Variants in CHPF observed in about 807,000 individuals in gnomAD.
CHPF encodes the protein chondroitin polymerizing factor, non-catalytic subunit.
Under a neutral mutation model 55.1 loss-of-function variants are expected in CHPF, and 34 were observed. The observed-to-expected ratio is 0.62, with a 90% CI of 0.47 to 0.82. The LOEUF (loss-of-function observed/expected upper bound fraction) is 0.82. Among genes scored for constraint, CHPF ranks in the 40% least tolerant of loss-of-function variants. CHPF has a pLI of 0.00. For synonymous variants in CHPF, 489 were observed against 496.6 expected (o/e 0.98, Z 0.20); for missense variants, 961 against 1,106.1 (o/e 0.87, Z 1.86).
chr2:219,540,427 T>C lies in CHPF; in HGVS notation c.1284A>G (p.Thr428=). The C allele has an allele frequency of 1.2e-6, 2 of 1,613,550 alleles. No homozygotes were observed. The highest frequency in any genetic ancestry group is 1.7e-6 in the Non-Finnish European group (2 of 1,179,982). Residue 428 remains threonine (T), a synonymous_variant, in exon 4 of 4, where the codon ACA becomes ACG. Coordinates refer to ENST00000243776, the MANE Select transcript of CHPF (RefSeq NM_024536.6). ...DRADVADVLG[T]ALEELNRRYH... is the part of the protein sequence containing the mutation. ...AGCGGCGGTTCAGCTCCTCTAGAGC[T>C]GTCCCCAGAACATCGGCCACATCAG...
chr2:219,540,332 C>T lies in CHPF; in HGVS notation c.1379G>A (p.Gly460Asp). 1 of 1,613,980 alleles carries T rather than the reference C, an allele frequency of 6.2e-7. No individual in the cohort carries two copies. Among genetic ancestry groups the T allele is most frequent in the Non-Finnish European group, 8.5e-7 (1 of 1,179,986 alleles). ...NGYRRFDPAR[G>D]MEYTLDLQLE... ...CTGCAAGTCCAGCGTGTATTCCATA[C>T]CCCGGGCCGGATCAAAGCGTCGGTA... is the stretch of plus-strand genomic sequence containing the variant. The change falls in exon 4 of 4, where the codon GGT becomes GAT. Residue 460 changes from glycine to aspartate, a missense_variant. Transcript: ENST00000243776.
Position 219,540,268 on chromosome 2 carries a change from G to A in CHPF, c.1443C>T (p.Leu481=), listed in dbSNP as rs1176855543. Residue 481 remains leucine (L), a synonymous_variant, in exon 4 of 4, where the codon CTC becomes CTT. Coordinates refer to ENST00000243776, the MANE Select transcript of CHPF (RefSeq NM_024536.6). ...GCCGGAGCAGCTGCACTCGGCGAGT[G>A]AGGGGCCGGCGGCCTCCCTGGGGGG... ...ALTPQGGRRP[L]TRRVQLLRPL... is the part of the protein sequence containing the mutation. 1 of 1,613,804 alleles carries A rather than the reference G, an allele frequency of 6.2e-7. No individual in the cohort carries two copies. Among genetic ancestry groups the A allele is most frequent in the Non-Finnish European group, 8.5e-7 (1 of 1,179,896 alleles).
chr2:219,542,026 G>T lies in CHPF; in HGVS notation c.478C>A (p.Pro160Thr). ...FLTGARGRRAPPGMAVVTLGE... is the reference protein window; with the variant it reads ...FLTGARGRRATPGMAVVTLGE... ...AGCGTCACCACTGCCATGCCAGGTG[G>T]GGCCCGGCGGCCCCGTGCGCCCGTC... The change falls in exon 2 of 4, where the codon CCA becomes ACA. Residue 160 changes from proline to threonine, a missense_variant. Coordinates refer to ENST00000243776, the MANE Select transcript of CHPF (RefSeq NM_024536.6). 1.9e-6 allele frequency: 3 copies of T among 1,594,836 alleles called. No homozygotes were observed. Among genetic ancestry groups the T allele is most frequent in the Non-Finnish European group, 2.6e-6 (3 of 1,173,404 alleles).
chr2:219,542,053 G>T lies in CHPF; in HGVS notation c.451C>A (p.Leu151Met). 1 of 1,582,574 alleles carries T rather than the reference G, an allele frequency of 6.3e-7. No individual in the cohort carries two copies. The highest frequency in any genetic ancestry group is 1.1e-5 in the South Asian group (1 of 88,256). The part of the protein sequence containing the change: ...LGHRLERVVF[L>M]TGARGRRAPP... ...GCCCGGCGGCCCCGTGCGCCCGTCA[G>T]GAACACCACACGCTCCAGCCGGTGC... Residue 151 changes from leucine (L) to methionine (M), a missense_variant, in exon 2 of 4, where the codon CTG (leucine) becomes ATG (methionine). Coordinates refer to ENST00000243776, the MANE Select transcript of CHPF (RefSeq NM_024536.6).
In CHPF at chr2:219,543,468, A is replaced by G; in HGVS notation, c.71T>C (p.Phe24Ser). 6.9e-7 allele frequency: 1 copy of G among 1,442,948 alleles called. No individual in the cohort carries two copies. Among genetic ancestry groups the G allele is most frequent in the Admixed American group, 2.7e-5 (1 of 36,592 alleles). 89.4% of individuals were successfully genotyped at this position (1,442,948 alleles called of 1,614,324 possible). A position where few individuals can be genotyped will look rare whatever the true frequency, so the allele number is the denominator to read the frequency against. ...GGTGACGCTGAGCAGGCTCAGGGTGAAGCCCAGGGAGATGCCCACGGCCAC... is the reference window on the plus strand; with the variant it reads ...GGTGACGCTGAGCAGGCTCAGGGTGGAGCCCAGGGAGATGCCCACGGCCAC... The part of the protein sequence containing the change: ...GPVAVGISLG[F>S]TLSLLSVTWV... The change falls in exon 1 of 4, where the codon TTC (phenylalanine) becomes TCC (serine). Residue 24 changes from phenylalanine (F) to serine (S), a missense_variant. Physicochemically the swap from Phe to Ser is radical, Grantham distance 155. Coordinates refer to ENST00000243776, the MANE Select transcript of CHPF (RefSeq NM_024536.6).
rs764366642 is a variant in CHPF at position 219,540,447 on chromosome 2, C to T, written c.1264G>A (p.Val422Met). 18 of 1,613,744 alleles carry T rather than the reference C, an allele frequency of 1.1e-5. No individual in the cohort carries two copies. In the South Asian group the frequency reaches 1.9e-4, roughly 17 times the overall value. Residue 422 changes from valine to methionine, a missense_variant, in exon 4 of 4, where the codon GTG becomes ATG. Around this residue, in one of 3 missense-constraint regions of CHPF, gnomAD observed 936 missense variants for 1,058.4 expected, o/e 0.88. Transcript: ENST00000243776. ...AGAGCTGTCCCCAGAACATCGGCCA[C>T]ATCAGCCCGGTCAGCCCCACGCAGT... ...CPLRGADRAD[V>M]ADVLGTALEE... is the part of the protein sequence containing the mutation.
Position 219,539,650 on chromosome 2 carries a change from G to A in CHPF, c.2061C>T (p.Ala687=), listed in dbSNP as rs374210342. The A allele has an allele frequency of 3.0e-5, 49 of 1,613,380 alleles. No individual in the cohort carries two copies. Among genetic ancestry groups the A allele is most frequent in the Non-Finnish European group, 4.1e-5 (48 of 1,179,970 alleles). The change falls in exon 4 of 4, where the codon GCC becomes GCT. Residue 687 remains alanine, a synonymous_variant. Coordinates refer to ENST00000243776, the MANE Select transcript of CHPF (RefSeq NM_024536.6). ...ACFYNSDYVA[A]RGRLAAASEQ... ...CTGAGGCTGCCGCCAGGCGCCCACGGGCTGCCACATAGTCGGAGTTGTAGA... is the reference window on the plus strand; with the variant it reads ...CTGAGGCTGCCGCCAGGCGCCCACGAGCTGCCACATAGTCGGAGTTGTAGA...
Position 219,539,727 on chromosome 2 carries a change from G to C in CHPF, c.1984C>G (p.Leu662Val), listed in dbSNP as rs765276331. The C allele has an allele frequency of 1.8e-5, 29 of 1,613,400 alleles. No individual in the cohort carries two copies. The highest frequency in any genetic ancestry group is 2.5e-5 in the Non-Finnish European group (29 of 1,179,988). ...APPQGPGPPE[L>V]GRDTGRFDRQ... ...TCAAAGCGGCCAGTGTCACGGCCCA[G>C]CTCTGGGGGCCCAGGCCCTTGTGGT... The change falls in exon 4 of 4, where the codon CTG becomes GTG. Residue 662 changes from leucine (L) to valine (V), a missense_variant. Physicochemically the swap from Leu to Val is conservative, Grantham distance 32 (BLOSUM62 1). This residue lies in a region of CHPF where 936 missense variants were observed against 1,058.4 expected (regional missense o/e 0.88). Transcript: ENST00000243776.
intron 2 of CHPF, 49 bp from the exon 3 acceptor site, chr2:219,541,174 G>T: frequency 2.0e-6 from 3 of 1,498,106 alleles, no homozygotes; most frequent in Non-Finnish European, 2.7e-6. Context: ...ATTGTCTTCC[G>T]TTGTCTCATA....
rs190948417 is a variant in CHPF, at chr2:219,539,026, C to A, written c.*357G>T. 4.3e-6 allele frequency: 1 copy of A among 232,968 alleles called. No individual in the cohort carries two copies. The highest frequency in any genetic ancestry group is 1.3e-4 in the South Asian group (1 of 7,756). 14.4% of individuals were successfully genotyped at this position (232,968 alleles called of 1,614,324 possible). A position where few individuals can be genotyped will look rare whatever the true frequency, so the allele number is the denominator to read the frequency against. ...AAAAGGGAGAAGTTGGGAGATGCCC[C>A]CTCCTCAGCTCCCTCCTTCCCCAAC... is the stretch of plus-strand genomic sequence containing the variant. On this transcript the variant is annotated 3_prime_UTR_variant, in exon 4 of 4. Transcript: ENST00000243776.
rs1406098912 is a variant in CHPF at position 219,539,677 on chromosome 2, G to A, written c.2034C>T (p.Cys678=). The A allele has an allele frequency of 1.9e-6, 3 of 1,613,398 alleles. No individual in the cohort carries two copies. Among genetic ancestry groups the A allele is most frequent in the Non-Finnish European group, 2.5e-6 (3 of 1,179,856 alleles). ...RFDRQAASEA[C]FYNSDYVAAR... ...CTGCCACATAGTCGGAGTTGTAGAA[G>A]CAGGCCTCGCTGGCTGCCTGGCGAT... Residue 678 remains cysteine, a synonymous_variant, in exon 4 of 4, where the codon TGC becomes TGT. Coordinates refer to ENST00000243776, the MANE Select transcript of CHPF (RefSeq NM_024536.6).
In CHPF at chr2:219,540,981, G is replaced by A; in HGVS notation, c.1033C>T (p.Leu345=). The part of the protein sequence containing the change: ...QLHKAFARAE[L]ERTYQEIQEL... The stretch of plus-strand genomic sequence containing the variant: ...TGGATCTCCTGGTACGTGCGTTCCA[G>A]TTCAGCTCGGGCGAAAGCTTTGTGC... Residue 345 remains leucine, a synonymous_variant, in exon 3 of 4, where the codon CTG becomes TTG. Coordinates refer to ENST00000243776, the MANE Select transcript of CHPF (RefSeq NM_024536.6). 1.2e-6 allele frequency: 2 copies of A among 1,614,056 alleles called. No individual in the cohort carries two copies. The highest frequency in any genetic ancestry group is 1.7e-6 in the Non-Finnish European group (2 of 1,179,986).
At position 219,542,073 on chromosome 2, in the gene CHPF, C is replaced by T. The variant is rs1323024780; in HGVS notation, c.431G>A (p.Arg144Gln). 6 of 1,573,858 alleles carry T rather than the reference C, an allele frequency of 3.8e-6. No individual in the cohort carries two copies. Among genetic ancestry groups the T allele is most frequent in the Non-Finnish European group, 4.3e-6 (5 of 1,165,314 alleles). ...CGTCAGGAACACCACACGCTCCAGCCGGTGCCCCAGCGTGCGGTTCACGGC... is the reference window on the plus strand; with the variant it reads ...CGTCAGGAACACCACACGCTCCAGCTGGTGCCCCAGCGTGCGGTTCACGGC... ...GVAVNRTLGH[R>Q]LERVVFLTGA... Residue 144 changes from arginine to glutamine, a missense_variant, in exon 2 of 4, where the codon CGG (arginine) becomes CAG (glutamine). Around this residue, in one of 3 missense-constraint regions of CHPF, gnomAD observed 936 missense variants for 1,058.4 expected, o/e 0.88. Coordinates refer to ENST00000243776, the MANE Select transcript of CHPF (RefSeq NM_024536.6).
chr2:219,542,660 G>C (rs1046094341), intron 1 of CHPF, among the ~76,000 whole-genome samples: 2 of 152,202 alleles, frequency 1.3e-5, no homozygotes, highest in Admixed American at 6.5e-5. Context: ...GTTTTTGCGG[G>C]GAGGGGCAAA....
At position 219,543,689 on chromosome 2, in the gene CHPF, C is replaced by G; in HGVS notation, c.-151G>C. On this transcript the variant is annotated 5_prime_UTR_variant, in exon 1 of 4. Coordinates refer to ENST00000243776, the MANE Select transcript of CHPF (RefSeq NM_024536.6). Reference sequence around the variant, plus strand: ...TCCCCGCAGAGCAGAGCCAGCGGCCCGAGCCGAATCCCCGGAGCCGCGCCT... The same window carrying G: ...TCCCCGCAGAGCAGAGCCAGCGGCCGGAGCCGAATCCCCGGAGCCGCGCCT... 2.0e-6 allele frequency: 1 copy of G among 496,310 alleles called. No individual in the cohort carries two copies. The allele number at this position is 496,310 out of a possible 1,614,324, so 30.7% of individuals were successfully genotyped here.
chr2:219,540,043 G>A lies in CHPF; in HGVS notation c.1668C>T (p.Arg556=), dbSNP rs372841467. The A allele has an allele frequency of 5.8e-5, 94 of 1,612,402 alleles. No homozygotes were observed. Among genetic ancestry groups the A allele is most frequent in the Admixed American group, 1.5e-4 (9 of 59,944 alleles). The change falls in exon 4 of 4, where the codon CGC becomes CGT. Residue 556 remains arginine, a synonymous_variant. Coordinates refer to ENST00000243776, the MANE Select transcript of CHPF (RefSeq NM_024536.6). The part of the protein sequence containing the change: ...LLLYEPRQAQ[R]VAHADVFAPV... The stretch of plus-strand genomic sequence containing the variant: ...GTGCGAAGACATCTGCATGGGCCAC[G>A]CGCTGGGCCTGGCGCGGCTCATACA...
At position 219,543,767 on chromosome 2, in the gene CHPF, C is replaced by G. The variant is rs1284907682; in HGVS notation, c.-229G>C. On this transcript the variant is annotated 5_prime_UTR_variant, in exon 1 of 4. Coordinates refer to ENST00000243776, the MANE Select transcript of CHPF (RefSeq NM_024536.6). ...CTGCGCAGGGTTCTTGCGCTCGGCA[C>G]TGGAGCCTCAGCCGCGGCCGCAGCT... The G allele has an allele frequency of 5.3e-5, 25 of 468,914 alleles. No homozygotes were observed. The South Asian group carries it at 9.6e-4, about 18-fold the overall frequency. The allele number at this position is 468,914 out of a possible 1,614,324, so 29.0% of individuals were successfully genotyped here. A position where few individuals can be genotyped will look rare whatever the true frequency, so the allele number is the denominator to read the frequency against.
chr2:219,540,863 G>T (rs1250688149), intron 3 of CHPF, 83 bp downstream of exon 3: 50 of 1,542,262 alleles, frequency 3.2e-5, no homozygotes, highest in South Asian at 1.5e-4. Flanking sequence ...TGATTCTAGT[G>T]CTAACTTGTC....
rs768025539 is a variant in CHPF at position 219,539,352 on chromosome 2, C to T, written c.*31G>A. 6.4e-6 allele frequency: 10 copies of T among 1,559,122 alleles called. No individual in the cohort carries two copies. In the Admixed American group the frequency reaches 7.0e-5, roughly 11 times the overall value. ...GGGGGAGAAGTGGGGTGGGGTGTGG[C>T]CATGCCACGGCCCACGGGGACAGGG... is the stretch of plus-strand genomic sequence containing the variant. On this transcript the variant is annotated 3_prime_UTR_variant, in exon 4 of 4. Transcript: ENST00000243776.
Sources: gnomAD v4.1 joint callset for allele counts (sites outside exome capture counted in the v4.1 genomes callset) on GRCh38, gnomAD v4.1.1 for gene constraint, gnomAD v4.1.1 regional missense constraint, MANE v1.5 for transcripts, NCBI Gene and HGNC (gene_info 2026-07-23, HGNC 2026-07-21) for gene names.